SHANK2: variants seen among roughly 807,000 people sequenced by gnomAD.
SHANK2 encodes SH3 and multiple ankyrin repeat domains 2.
Under a neutral mutation model 133.7 loss-of-function variants are expected in SHANK2, and 43 were observed. The ratio of observed to expected loss-of-function variants is 0.32; its 90% CI spans 0.25 to 0.41. The LOEUF (loss-of-function observed/expected upper bound fraction) is 0.41, where lower values mean the gene tolerates loss of function less well. SHANK2 is among the 10% of genes least tolerant of loss of function. SHANK2 has a pLI of 1.00. For missense variants in SHANK2, 1,994 were observed against 2,235.8 expected (o/e 0.89, Z 2.18); for synonymous variants, 1,017 against 952.8 (o/e 1.07, Z -1.24).
intron 2 of SHANK2, among the ~76,000 whole-genome samples, chr11:71,199,426 G>T (rs11232508): frequency 6.6e-6 from 1 of 152,204 alleles, no homozygotes; most frequent in South Asian, 2.1e-4. Context: ...GTGACCTGCC[G>T]TAGAGGCAAT....
At chr11:70,501,015 C>G (rs1010859800) in intron 20 of SHANK2, among the ~76,000 whole-genome samples, 1 of 152,228 alleles carries the variant, frequency 6.6e-6, no homozygotes, top group African/African-American at 2.4e-5. Context: ...CAGGAGCACC[C>G]CTTGCAAAGA....
chr11:70,702,593 CCAT>C (rs1945561902), intron 14 of SHANK2, among the ~76,000 whole-genome samples: 1 of 152,242 alleles, frequency 6.6e-6, no homozygotes, highest in Non-Finnish European at 1.5e-5. Flanking sequence ...ATCTTCTTCA[CCAT>C]CATCATTGCC....
rs1206889793 is a variant in SHANK2, at chr11:70,473,530, C to T, written c.4980-91G>A. On this transcript the variant is annotated intron_variant, in intron 25 of 25. Coordinates refer to ENST00000601538, the MANE Select transcript of SHANK2 (RefSeq NM_012309.5). This position sits in a 1 kb window ranked among gnomAD's most constrained non-coding sequence, Gnocchi z 5.9. ...ATCACCCAGGAAGGCGAGGGAGACGCCCAAACCATGCCAGAGTGTCTAGTG... is the reference window on the plus strand; with the variant it reads ...ATCACCCAGGAAGGCGAGGGAGACGTCCAAACCATGCCAGAGTGTCTAGTG... The T allele has an allele frequency of 1.6e-6, 2 of 1,286,888 alleles. No homozygotes were observed. The highest frequency in any genetic ancestry group is 2.2e-6 in the Non-Finnish European group (2 of 907,108). The allele number at this position is 1,286,888 out of a possible 1,614,324, so 79.7% of individuals were successfully genotyped here.
intron 22 of SHANK2, among the ~76,000 whole-genome samples, chr11:70,491,995 G>T (rs2058892949): frequency 6.6e-6 from 1 of 152,210 alleles, no homozygotes. Flanking sequence ...CTGTGCTCTG[G>T]GTGGACCAGG....
chr11:70,693,451 G>A (rs1292723788), intron 15 of SHANK2, among the ~76,000 whole-genome samples: 2 of 152,042 alleles, frequency 1.3e-5, no homozygotes, highest in African/African-American at 2.4e-5. Flanking sequence ...CAATCTTTGT[G>A]TTTCAACTCA....
intron 17 of SHANK2, among the ~76,000 whole-genome samples, chr11:70,653,894 A>G (rs1167894964): frequency 1.3e-5 from 2 of 152,180 alleles, no homozygotes; most frequent in Non-Finnish European, 2.9e-5. Context: ...TTGGCCTCCC[A>G]AAGTGCTGGA....
chr11:70,557,496 C>A (rs913255058), intron 17 of SHANK2, among the ~76,000 whole-genome samples: 9 of 152,156 alleles, frequency 5.9e-5, no homozygotes, highest in African/African-American at 2.2e-4. Context: ...GTTGGCAGTC[C>A]TGGCTCTGAG....
intron 4 of SHANK2, 31 bp from the exon 5 acceptor site, chr11:71,113,395 A>G (rs1382962578): frequency 4.6e-6 from 7 of 1,537,804 alleles, no homozygotes; most frequent in Non-Finnish European, 5.3e-6. Context: ...GAGAGAGAAA[A>G]CAAGTCAATA....
At chr11:71,232,257 A>T (rs1954753727) in intron 1 of SHANK2, among the ~76,000 whole-genome samples, 1 of 152,118 alleles carries the variant, frequency 6.6e-6, no homozygotes. Context: ...CAGGCCATAA[A>T]AGGGCACCAT....
At chr11:70,594,981 G>GGCCGGGA (rs775375455) in intron 17 of SHANK2, among the ~76,000 whole-genome samples, 2 of 152,156 alleles carry the variant, frequency 1.3e-5, no homozygotes, top group Admixed American at 6.5e-5. Context: ...AGGGCTTCAG[G>GGCCGGGA]GCCGGGAGCC....
At chr11:70,538,756 G>C (rs1317173297) in intron 17 of SHANK2, among the ~76,000 whole-genome samples, 1 of 152,234 alleles carries the variant, frequency 6.6e-6, no homozygotes, top group Non-Finnish European at 1.5e-5. Context: ...CCGGGGCAGA[G>C]CCTCCAGGGA....
chr11:70,909,476 G>A (rs913275911), intron 10 of SHANK2, among the ~76,000 whole-genome samples: 2 of 152,154 alleles, frequency 1.3e-5, no homozygotes, highest in Admixed American at 6.5e-5. Flanking sequence ...TACCCAACAC[G>A]ACACGCAGCC....
intron 17 of SHANK2, among the ~76,000 whole-genome samples, chr11:70,530,879 A>AT (rs771800979): frequency 7.2e-5 from 11 of 151,926 alleles, no homozygotes; most frequent in Admixed American, 1.3e-4. Flanking sequence ...AATGGCTGAG[A>AT]TTTTGTCCGG....
chr11:70,852,652 G>A (rs1949104426), intron 11 of SHANK2, among the ~76,000 whole-genome samples: 2 of 152,220 alleles, frequency 1.3e-5, no homozygotes, highest in Admixed American at 6.5e-5. Flanking sequence ...AGACCAGCCT[G>A]GCCAACATAG....
chr11:70,531,382 C>T (rs1236333433), intron 17 of SHANK2, among the ~76,000 whole-genome samples: 2 of 152,190 alleles, frequency 1.3e-5, no homozygotes, highest in Non-Finnish European at 2.9e-5. Context: ...AATGCAAATG[C>T]ACCCACGCGC....
chr11:70,829,609 G>T (rs1057348447), intron 11 of SHANK2, among the ~76,000 whole-genome samples: 1 of 120,184 alleles, frequency 8.3e-6, no homozygotes, highest in African/African-American at 3.2e-5. Flanking sequence ...GCCTGTGCAG[G>T]GGTGAGGGGC....
intron 14 of SHANK2, among the ~76,000 whole-genome samples, chr11:70,716,833 A>G (rs1437383854): frequency 6.6e-6 from 1 of 151,976 alleles, no homozygotes; most frequent in Non-Finnish European, 1.5e-5. Flanking sequence ...CCGCAAAGCA[A>G]CATCTGGGAG....
chr11:71,147,807 G>A (rs116820533), intron 2 of SHANK2, among the ~76,000 whole-genome samples: 6 of 152,208 alleles, frequency 3.9e-5, no homozygotes, highest in Admixed American at 1.3e-4. Flanking sequence ...GCAAGTTCAC[G>A]CTATAATAAC....
chr11:70,498,990 C>G (rs2059011621), intron 21 of SHANK2, among the ~76,000 whole-genome samples: 1 of 152,176 alleles, frequency 6.6e-6, no homozygotes, highest in African/African-American at 2.4e-5. Context: ...CTTTTCAACC[C>G]AATACAACTG....
Sources: gnomAD v4.1 joint callset for allele counts (sites outside exome capture counted in the v4.1 genomes callset) on GRCh38, gnomAD v4.1.1 for gene constraint, Gnocchi (gnomAD v3.1) non-coding constraint, MANE v1.5 for transcripts, NCBI Gene and HGNC (gene_info 2026-07-23, HGNC 2026-07-21) for gene names.